Variants in ATPAF2 observed in about 807,000 individuals in gnomAD.
The protein encoded by ATPAF2 is ATP12 homolog.
In ATPAF2, 30 loss-of-function variants were observed where a neutral mutation model predicts 36.6. The ratio of observed to expected loss-of-function variants is 0.82; its 90% CI spans 0.61 to 1.11. ATPAF2 has a LOEUF of 1.11. ATPAF2 is among the 50% of genes most tolerant of loss of function. The pLI is 0.00. For missense variants in ATPAF2, 321 were observed against 372.3 expected, an observed-to-expected ratio of 0.86 and a Z score of 1.13; for synonymous variants, 140 against 152.6, an observed-to-expected ratio of 0.92 and a Z score of 0.61.
downstream of ATPAF2, chr17:18,016,297 T>A: frequency 7.9e-7 from 1 of 1,261,260 alleles, no homozygotes; most frequent in Non-Finnish European, 1.1e-6. Flanking sequence ...AGGAATGAAA[T>A]GAAGGAAGAA....
At chr17:18,029,598 AT>A (rs911786067) in intron 1 of ATPAF2, among the ~76,000 whole-genome samples, 21 of 149,364 alleles carry the variant, frequency 1.4e-4, no homozygotes, top group Admixed American at 2.7e-4. Context: ...TTTTATTATT[AT>A]TTTTTTTTTG....
In ATPAF2 at chr17:18,039,018, C is replaced by T; in HGVS notation, c.-5G>A. 1.9e-6 allele frequency: 3 copies of T among 1,596,754 alleles called. No individual in the cohort carries two copies. Among genetic ancestry groups the T allele is most frequent in the Non-Finnish European group, 2.6e-6 (3 of 1,171,616 alleles). Reference sequence around the variant, plus strand: ...CCGGAGGCAGCTCCTCCACATCGCGCCCGAGGGTCTGGGAAGATGCGAGAC... The same window carrying T: ...CCGGAGGCAGCTCCTCCACATCGCGTCCGAGGGTCTGGGAAGATGCGAGAC... On this transcript the variant is annotated 5_prime_UTR_variant, in exon 1 of 8. Transcript: ENST00000474627. This position sits in a 1 kb window ranked among gnomAD's most constrained non-coding sequence, Gnocchi z 5.3.
Position 18,021,847 on chromosome 17 carries a change from C to G in ATPAF2, c.514G>C (p.Glu172Gln). Residue 172 changes from glutamate to glutamine, a missense_variant, in exon 6 of 8, where the codon GAG (glutamate) becomes CAG (glutamine). Around this residue, in one of 3 missense-constraint regions of ATPAF2, gnomAD observed 199 missense variants for 220.6 expected, o/e 0.90. Coordinates refer to ENST00000474627, the MANE Select transcript of ATPAF2 (RefSeq NM_145691.4). ...IEWAEKRYGV[E>Q]ISSSTSIMGP... is the part of the protein sequence containing the mutation. ...ATTATGCTGGTGGAGGAGCTGATCTCCACGCCGTATCTGAAAGGAAAAGGG... is the reference window on the plus strand; with the variant it reads ...ATTATGCTGGTGGAGGAGCTGATCTGCACGCCGTATCTGAAAGGAAAAGGG... 2.5e-6 allele frequency: 4 copies of G among 1,614,024 alleles called. No individual in the cohort carries two copies. The highest frequency in any genetic ancestry group is 3.4e-6 in the Non-Finnish European group (4 of 1,179,912).
rs769704888 is a variant in ATPAF2 at position 18,021,726 on chromosome 17, CAAGA to C, written c.616+15_616+18del. The C allele has an allele frequency of 1.9e-6, 3 of 1,610,388 alleles. No homozygotes were observed. The highest frequency in any genetic ancestry group is 2.5e-6 in the Non-Finnish European group (3 of 1,177,354). On this transcript the variant is annotated intron_variant, in intron 6 of 7. Transcript: ENST00000474627. ...CCTTCACAGCCACCTGCCAAGCCCA[CAAGA>C]AACTCCATACATGCCTTGTAAAGCC...
intron 5 of ATPAF2, among the ~76,000 whole-genome samples, chr17:18,022,380 C>T (rs1376717239): frequency 6.6e-6 from 1 of 152,188 alleles, no homozygotes; most frequent in Non-Finnish European, 1.5e-5. Context: ...CTCCTAGGCT[C>T]AAGCGATCCT....
chr17:18,036,019 G>A (rs1165914733), intron 1 of ATPAF2, among the ~76,000 whole-genome samples: 1 of 152,204 alleles, frequency 6.6e-6, no homozygotes, highest in Non-Finnish European at 1.5e-5. Flanking sequence ...CCTCTGATAA[G>A]CTGGTGCAGA....
rs757840763 is a variant in ATPAF2 at position 18,021,747 on chromosome 17, T to C, written c.614A>G (p.Gln205Arg). 2.5e-6 allele frequency: 4 copies of C among 1,613,644 alleles called. No homozygotes were observed. Among genetic ancestry groups the C allele is most frequent in the Non-Finnish European group, 3.4e-6 (4 of 1,179,854 alleles). ...CCCACAAGAAACTCCATACATGCCT[T>C]GTAAAGCCCATGTGTTGTAAGATGC... The part of the protein sequence containing the change: ...HLASYNTWAL[Q>R]GIEFVAAQLK... The change falls in exon 6 of 8, where the codon CAA (glutamine) becomes CGA (arginine). Residue 205 changes from glutamine to arginine, a missense_variant and splice_region_variant. Transcript: ENST00000474627.
intron 5 of ATPAF2, among the ~76,000 whole-genome samples, chr17:18,022,188 C>T (rs911723826): frequency 5.3e-5 from 8 of 152,206 alleles, no homozygotes; most frequent in African/African-American, 1.9e-4. Context: ...CCTTTTACAT[C>T]TCTTTAAAGT....
chr17:18,038,402 G>A lies in ATPAF2; in HGVS notation c.133+479C>T, dbSNP rs2044736558. ...GGCAGAGGTTGTGGTAGGAGGGAAA[G>A]TCAGGAAACCTGCAGCAGAAGTGCC... On this transcript the variant is annotated intron_variant, in intron 1 of 7. Transcript: ENST00000474627. Among the ~76,000 whole-genome samples the A allele has an allele frequency of 2.0e-5, 3 of 152,350 alleles. No homozygotes were observed. In the South Asian group the frequency reaches 6.2e-4, roughly 32 times the overall value.
chr17:18,028,725 AC>A, intron 1 of ATPAF2, 66 bp from the exon 2 acceptor site: 1 of 1,417,646 alleles, frequency 7.1e-7, no homozygotes, highest in Non-Finnish European at 9.9e-7. Flanking sequence ...AAGCGACAGG[AC>A]CAGCTTGTAT....
At chr17:18,028,198 C>G in intron 3 of ATPAF2, 34 bp downstream of exon 3, 1 of 1,614,124 alleles carries the variant, frequency 6.2e-7, no homozygotes. Context: ...CTGGGTGGGT[C>G]TCAGGGTCCA....
rs565785423 is a variant in ATPAF2, at chr17:18,018,615, G to A, written c.804C>T (p.Ala268=). 1.7e-5 allele frequency: 27 copies of A among 1,614,004 alleles called. No individual in the cohort carries two copies. In the South Asian group the frequency reaches 1.9e-4, roughly 11 times the overall value. Reference sequence around the variant, plus strand: ...AGCAGAGATGGATGAAGAGGGTGCCGGCGGCGGTGCGGGCCCGCAGCTCCT... The same window carrying A: ...AGCAGAGATGGATGAAGAGGGTGCCAGCGGCGGTGCGGGCCCGCAGCTCCT... ...ELQELRARTA[A]GTLFIHLCSE... The change falls in exon 8 of 8, where the codon GCC becomes GCT. Residue 268 remains alanine, a synonymous_variant. Transcript: ENST00000474627.
At chr17:18,033,925 G>C (rs2044670931) in intron 1 of ATPAF2, among the ~76,000 whole-genome samples, 1 of 151,972 alleles carries the variant, frequency 6.6e-6, no homozygotes, top group African/African-American at 2.4e-5. Context: ...TTCAAGACCA[G>C]CCTGAGCAAC....
In ATPAF2 at chr17:18,021,832, T is replaced by C; in HGVS notation, c.529A>G (p.Thr177Ala). The change falls in exon 6 of 8, where the codon ACC becomes GCC. Residue 177 changes from threonine (T) to alanine (A), a missense_variant. By Grantham distance (58) the Thr-to-Ala change is moderately conservative. Coordinates refer to ENST00000474627, the MANE Select transcript of ATPAF2 (RefSeq NM_145691.4). ...GGGATGCTGGGTCCCATTATGCTGG[T>C]GGAGGAGCTGATCTCCACGCCGTAT... Reference protein sequence around the residue: ...KRYGVEISSSTSIMGPSIPAK... With the variant: ...KRYGVEISSSASIMGPSIPAK... 1 of 1,614,102 alleles carries C rather than the reference T, an allele frequency of 6.2e-7. No homozygotes were observed. The highest frequency in any genetic ancestry group is 1.3e-5 in the African/African-American group (1 of 75,032).
rs766945436 is a variant in ATPAF2 at position 18,028,695 on chromosome 17, T to C, written c.134-36A>G. 4.4e-5 allele frequency: 70 copies of C among 1,599,066 alleles called. 3 individuals are homozygous for C. In the South Asian group the frequency reaches 7.4e-4, roughly 17 times the overall value. Reference sequence around the variant, plus strand: ...GATTTTTCAAAGAGGCAGTTTAAAATAACGTTGAGACAACTCAGGAAGCGA... The same window carrying C: ...GATTTTTCAAAGAGGCAGTTTAAAACAACGTTGAGACAACTCAGGAAGCGA... On this transcript the variant is annotated intron_variant, in intron 1 of 7. Coordinates refer to ENST00000474627, the MANE Select transcript of ATPAF2 (RefSeq NM_145691.4).
In ATPAF2 at chr17:18,027,582, C is replaced by CA. The variant is rs1485224209; in HGVS notation, c.324+649dup. ...GAATATGGGGCTGCGAAAGGGGTAG[C>CA]AACCTGCCCAAGGTTACAGTTTAGA... On this transcript the variant is annotated intron_variant, in intron 3 of 7. Transcript: ENST00000474627. 2.0e-5 allele frequency among the ~76,000 whole-genome samples: 3 copies of CA among 152,294 alleles called. No homozygotes were observed. The East Asian group carries it at 5.8e-4, about 29-fold the overall frequency.
chr17:18,030,972 C>CT (rs1316913316), intron 1 of ATPAF2, among the ~76,000 whole-genome samples: 940 of 88,384 alleles, frequency 0.011, 29 homozygotes, highest in East Asian at 0.048. Context: ...CGCGCCTGGC[C>CT]TTTTTTTTTT....
At chr17:18,016,189 A>G (rs763394010), downstream of ATPAF2, 6 of 1,613,894 alleles carry the variant, frequency 3.7e-6, no homozygotes, top group Non-Finnish European at 5.1e-6. Flanking sequence ...CACGTTTAAT[A>G]GACAGGGTGA....
chr17:18,015,196 A>T (rs2044312204), downstream of ATPAF2: 1 of 152,304 alleles, frequency 6.6e-6, no homozygotes, highest in South Asian at 2.1e-4. Context: ...TTTTTTTGGC[A>T]GAAATATTAA....
Sources: allele counts gnomAD v4.1 joint callset (sites outside exome capture counted in the v4.1 genomes callset), GRCh38; gene constraint gnomAD v4.1.1; regional missense constraint gnomAD v4.1.1; non-coding constraint Gnocchi (gnomAD v3.1); transcripts MANE v1.5; gene names NCBI Gene and HGNC (gene_info 2026-07-23, HGNC 2026-07-21).